KNSTRN: variants seen among roughly 807,000 people sequenced by gnomAD.
The protein encoded by KNSTRN is kinetochore localized astrin (SPAG5) binding protein, also known as small kinetochore-associated protein.
KNSTRN carries 38 observed loss-of-function variants against 44.7 expected under a neutral mutation model. That is an observed-to-expected ratio of 0.85 (90% CI 0.66 to 1.11). The LOEUF is 1.11. Among genes scored for constraint, KNSTRN ranks in the 50% most tolerant of loss-of-function variants. The pLI is 0.00. For synonymous variants in KNSTRN, 158 were observed against 148.1 expected (o/e 1.07, Z -0.48); for missense variants, 406 against 375.8 (o/e 1.08, Z -0.66).
intron 8 of KNSTRN, 87 bp downstream of exon 8, chr15:40,392,110 A>G: frequency 1.2e-6 from 1 of 806,128 alleles, no homozygotes. Context: ...TTTATTTTTA[A>G]TAAACTTTCT....
rs115872791 is a variant in KNSTRN, at chr15:40,393,676, G to A, written c.*79G>A. The A allele has an allele frequency of 1.1e-3, 1,410 of 1,309,248 alleles. 15 individuals carry two copies. In the African/African-American group the frequency reaches 0.019, roughly 17 times the overall value. The allele number at this position is 1,309,248 out of a possible 1,614,324, so 81.1% of individuals were successfully genotyped here. A position where few individuals can be genotyped will look rare whatever the true frequency, so the allele number is the denominator to read the frequency against. On this transcript the variant is annotated 3_prime_UTR_variant, in exon 9 of 9. Transcript: ENST00000249776. ...CTACTTAGGACATCATCTTGGCCATGATCTTCTGGGACTCACCATCTCCAG... is the reference window on the plus strand; with the variant it reads ...CTACTTAGGACATCATCTTGGCCATAATCTTCTGGGACTCACCATCTCCAG...
At chr15:40,383,450 C>G (rs371740540) in intron 2 of KNSTRN, 128 bp downstream of exon 2, 5 of 663,278 alleles carry the variant, frequency 7.5e-6, no homozygotes, top group African/African-American at 7.2e-5. Flanking sequence ...TGTGAGCCCC[C>G]TATAACCAGG....
intron 6 of KNSTRN, 101 bp downstream of exon 6, chr15:40,390,030 C>T: frequency 1.1e-6 from 1 of 875,924 alleles, no homozygotes; most frequent in Non-Finnish European, 1.9e-6. Flanking sequence ...CCAGTATGTG[C>T]AGGGGTTACT....
rs112157050 is a variant in KNSTRN, at chr15:40,389,336, G to C, written c.486-170G>C. 956 of 576,370 alleles carry C rather than the reference G, an allele frequency of 1.7e-3. No homozygotes were observed. Among genetic ancestry groups the C allele is most frequent in the Non-Finnish European group, 2.6e-3 (831 of 319,200 alleles). The allele number at this position is 576,370 out of a possible 1,614,324, so 35.7% of individuals were successfully genotyped here. ...ACTAATCTTTTGTAATTTTAGTAGAGACAGGGTTTCTCTTATCTTGGTCAG... is the reference window on the plus strand; with the variant it reads ...ACTAATCTTTTGTAATTTTAGTAGACACAGGGTTTCTCTTATCTTGGTCAG... On this transcript the variant is annotated intron_variant, in intron 4 of 8. Coordinates refer to ENST00000249776, the MANE Select transcript of KNSTRN (RefSeq NM_033286.4).
chr15:40,385,157 C>G (rs1204085671), intron 2 of KNSTRN, among the ~76,000 whole-genome samples: 1 of 152,146 alleles, frequency 6.6e-6, no homozygotes, highest in Non-Finnish European at 1.5e-5. Flanking sequence ...TTAGGTCAAA[C>G]TTAAAGGGGC....
intron 8 of KNSTRN, chr15:40,393,051 C>T (rs1014939559): frequency 2.9e-6 from 2 of 700,854 alleles, no homozygotes; most frequent in Non-Finnish European, 4.6e-6. Context: ...GTTCACATCA[C>T]CAAGGCATGA....
At chr15:40,389,676 G>A in intron 5 of KNSTRN, 65 bp downstream of exon 5, 1 of 1,351,972 alleles carries the variant, frequency 7.4e-7, no homozygotes, top group Non-Finnish European at 1.1e-6. Context: ...ATCCTGATGG[G>A]TGGCCCCTTG....
rs567939254 is a variant in KNSTRN, at chr15:40,383,310, G to C, written c.292G>C (p.Gly98Arg). Residue 98 changes from glycine to arginine, a missense_variant, in exon 2 of 9, where the codon GGC (glycine) becomes CGC (arginine). Physicochemically the swap from Gly to Arg is moderately radical, Grantham distance 125. Coordinates refer to ENST00000249776, the MANE Select transcript of KNSTRN (RefSeq NM_033286.4). Reference protein sequence around the residue: ...SLQPPSALSGGQPADTQTRAT... With the variant: ...SLQPPSALSGRQPADTQTRAT... ...GCAGCCCCCCTCTGCGCTGAGCGGC[G>C]GCCAGCCGGCAGGTGAGGGTCCAAG... The C allele has an allele frequency of 1.4e-5, 22 of 1,611,544 alleles. No homozygotes were observed. The highest frequency in any genetic ancestry group is 6.6e-5 in the South Asian group (6 of 91,010).
intron 7 of KNSTRN, 26 bp downstream of exon 7, chr15:40,391,580 C>G (rs760517001): frequency 1.1e-5 from 18 of 1,586,764 alleles, no homozygotes; most frequent in Admixed American, 1.7e-5. Context: ...TGAAAGGGCG[C>G]AAGGGCTGAG....
chr15:40,383,360 G>C, intron 2 of KNSTRN, 38 bp downstream of exon 2: 1 of 1,515,578 alleles, frequency 6.6e-7, no homozygotes, highest in Non-Finnish European at 9.1e-7. Flanking sequence ...CTGCGGCCTG[G>C]CCGGGGATGG....
intron 4 of KNSTRN, 94 bp from the exon 5 acceptor site, chr15:40,389,412 A>G: frequency 1.2e-6 from 1 of 867,918 alleles, no homozygotes; most frequent in Non-Finnish European, 1.9e-6. Flanking sequence ...CAGCCTCCCA[A>G]AGTGCTGGGA....
rs201087827 is a variant in KNSTRN at position 40,382,819 on chromosome 15, C to G, written c.-17C>G. Reference sequence around the variant, plus strand: ...GCTAGGTCTGGCTCTGGCCTCTGAGCGAACCTTCCGTACAGTATGGCGGCT... The same window carrying G: ...GCTAGGTCTGGCTCTGGCCTCTGAGGGAACCTTCCGTACAGTATGGCGGCT... On this transcript the variant is annotated 5_prime_UTR_variant, in exon 1 of 9. Transcript: ENST00000249776. 18 of 1,606,690 alleles carry G rather than the reference C, an allele frequency of 1.1e-5. No individual in the cohort carries two copies. The highest frequency in any genetic ancestry group is 2.3e-4 in the Middle Eastern group (1 of 4,434).
chr15:40,391,422 G>A (rs1195597724), intron 6 of KNSTRN, 71 bp from the exon 7 acceptor site: 1 of 1,211,374 alleles, frequency 8.3e-7, no homozygotes, highest in Non-Finnish European at 1.2e-6. Context: ...CTTGTCCACG[G>A]AGGGTTTTTA....
Position 40,383,256 on chromosome 15 carries a change from A to G in KNSTRN, c.238A>G (p.Thr80Ala). Residue 80 changes from threonine (T) to alanine (A), a missense_variant, in exon 2 of 9, where the codon ACC becomes GCC. Thr to Ala is a moderately conservative substitution (Grantham distance 58). Coordinates refer to ENST00000249776, the MANE Select transcript of KNSTRN (RefSeq NM_033286.4). ...TCAGCCGTGCCGCCTCGTTACGATG[A>G]CCAGTGTGGTTAAGACAGTGTATAG... ...GVQPCRLVTM[T>A]SVVKTVYSLQ... 1 of 1,614,046 alleles carries G rather than the reference A, an allele frequency of 6.2e-7. No homozygotes were observed. The highest frequency in any genetic ancestry group is 8.5e-7 in the Non-Finnish European group (1 of 1,179,960).
At chr15:40,389,216 T>C in intron 4 of KNSTRN, 1 of 475,830 alleles carries the variant, frequency 2.1e-6, no homozygotes, top group Non-Finnish European at 4.1e-6. Flanking sequence ...TGGCGCAATC[T>C]CAGCTCACCA....
At chr15:40,392,053 C>G (rs1377259158) in intron 8 of KNSTRN, 30 bp downstream of exon 8, 3 of 1,477,462 alleles carry the variant, frequency 2.0e-6, no homozygotes, top group Non-Finnish European at 1.8e-6. Context: ...CTGACCATTT[C>G]CTACCATGAT....
chr15:40,386,856 C>T (rs1889911857), intron 3 of KNSTRN: 4 of 530,632 alleles, frequency 7.5e-6, no homozygotes, highest in Admixed American at 3.2e-5. Flanking sequence ...GTGTGTATGT[C>T]CCCAGCCAGC....
intron 2 of KNSTRN, 96 bp from the exon 3 acceptor site, chr15:40,386,266 A>G: frequency 8.0e-7 from 1 of 1,254,132 alleles, no homozygotes; most frequent in East Asian, 2.4e-5. Flanking sequence ...AGTAAAATAA[A>G]GATTTATGAC....
intron 6 of KNSTRN, 57 bp downstream of exon 6, chr15:40,389,986 C>T (rs1195976877): frequency 4.3e-6 from 6 of 1,379,466 alleles, no homozygotes; most frequent in Admixed American, 1.7e-5. Context: ...GTGCCCCTTC[C>T]GGGGTTGATC....
Sources: gnomAD v4.1 joint callset for allele counts (sites outside exome capture counted in the v4.1 genomes callset) on GRCh38, gnomAD v4.1.1 for gene constraint, MANE v1.5 for transcripts, NCBI Gene and HGNC (gene_info 2026-07-23, HGNC 2026-07-21) for gene names.